CELF4: variants seen among roughly 807,000 people sequenced by gnomAD.
CELF4 encodes the protein CUGBP Elav-like family member 4.
CELF4 carries 18 observed loss-of-function variants against 59.9 expected under a neutral mutation model. The observed-to-expected ratio is 0.30, with a 90% CI of 0.21 to 0.45. The LOEUF is 0.45. CELF4 is among the 20% of genes least tolerant of loss of function. The pLI, the probability that CELF4 is intolerant of heterozygous loss-of-function variation, is 1.00. For synonymous variants in CELF4, 261 were observed against 267.1 expected (o/e 0.98, Z 0.22); for missense variants, 456 against 689.0 (o/e 0.66, Z 3.79).
At chr18:37,539,534 A>G (rs1332853314) in intron 1 of CELF4, among the ~76,000 whole-genome samples, 3 of 152,130 alleles carry the variant, frequency 2.0e-5, no homozygotes, top group African/African-American at 7.2e-5. Flanking sequence ...AAACACATGC[A>G]CAGCTGTGTC....
At chr18:37,489,803 C>T (rs1036979761) in intron 1 of CELF4, among the ~76,000 whole-genome samples, 12 of 152,302 alleles carry the variant, frequency 7.9e-5, no homozygotes, top group Admixed American at 2.0e-4. Context: ...AGGCTAGAAC[C>T]GGGCTCTGAA....
chr18:37,555,327 G>A (rs2099984451), intron 1 of CELF4, among the ~76,000 whole-genome samples: 1 of 152,118 alleles, frequency 6.6e-6, no homozygotes, highest in Non-Finnish European at 1.5e-5. Flanking sequence ...CCTGTTCAGA[G>A]TACACCTCTC....
chr18:37,314,105 A>T (rs1190147995), intron 3 of CELF4, among the ~76,000 whole-genome samples: 1 of 152,216 alleles, frequency 6.6e-6, no homozygotes, highest in Non-Finnish European at 1.5e-5. Context: ...AGACAGGCTG[A>T]GAGACAGGGA....
intron 2 of CELF4, among the ~76,000 whole-genome samples, chr18:37,328,949 C>A (rs1363665836): frequency 6.6e-6 from 1 of 152,176 alleles, no homozygotes; most frequent in Non-Finnish European, 1.5e-5. Flanking sequence ...AAAGCCTTTC[C>A]TTCTTGGTCT....
intron 1 of CELF4, among the ~76,000 whole-genome samples, chr18:37,525,389 G>A (rs1275106207): frequency 6.6e-6 from 1 of 152,198 alleles, no homozygotes; most frequent in African/African-American, 2.4e-5. Context: ...CCTAGACTGG[G>A]AGCCAGCGGT....
chr18:37,483,725 A>G (rs564360774), intron 2 of CELF4, among the ~76,000 whole-genome samples: 1 of 152,144 alleles, frequency 6.6e-6, no homozygotes. Flanking sequence ...GCCTGGTAAT[A>G]AGCCTTCTTT....
At chr18:37,353,025 T>G (rs940102368) in intron 2 of CELF4, among the ~76,000 whole-genome samples, 9 of 151,770 alleles carry the variant, frequency 5.9e-5, no homozygotes, top group Admixed American at 2.6e-4. Flanking sequence ...ATCGAGACCA[T>G]CCTGGCTAAC....
At chr18:37,282,831 G>A (rs1163451703) in intron 3 of CELF4, among the ~76,000 whole-genome samples, 13 of 152,050 alleles carry the variant, frequency 8.5e-5, no homozygotes, top group Admixed American at 8.5e-4. Context: ...CAGGTCTCAG[G>A]ATGGCTCTGA....
At chr18:37,469,169 T>G (rs545288162) in intron 2 of CELF4, among the ~76,000 whole-genome samples, 1 of 152,222 alleles carries the variant, frequency 6.6e-6, no homozygotes, top group East Asian at 1.9e-4. Flanking sequence ...ATTGGCTCCT[T>G]TGGAGTCTGG....
intron 2 of CELF4, among the ~76,000 whole-genome samples, chr18:37,465,686 C>T (rs143403097): frequency 3.9e-5 from 6 of 152,210 alleles, no homozygotes; most frequent in African/African-American, 1.2e-4. Flanking sequence ...TAATATAAAA[C>T]AGAGTGCAAT....
chr18:37,372,896 T>A (rs2098919061), intron 2 of CELF4, among the ~76,000 whole-genome samples: 1 of 151,268 alleles, frequency 6.6e-6, no homozygotes, highest in Non-Finnish European at 1.5e-5. Flanking sequence ...GCATGTGAAT[T>A]AGTGTGACCT....
chr18:37,404,267 A>G (rs2099359720), intron 2 of CELF4, among the ~76,000 whole-genome samples: 1 of 152,202 alleles, frequency 6.6e-6, no homozygotes, highest in African/African-American at 2.4e-5. Flanking sequence ...CCGGTTCTTG[A>G]ACCCAAAGGG....
chr18:37,255,219 G>A (rs1019371447), intron 11 of CELF4, among the ~76,000 whole-genome samples: 5 of 152,048 alleles, frequency 3.3e-5, no homozygotes, highest in African/African-American at 4.8e-5. Flanking sequence ...ACAGCCACCC[G>A]GGAGTGAAGT....
chr18:37,251,771 G>T (rs779135774), intron 12 of CELF4, among the ~76,000 whole-genome samples: 1 of 152,220 alleles, frequency 6.6e-6, no homozygotes, highest in African/African-American at 2.4e-5. Flanking sequence ...GTCTGTGTGT[G>T]CACAGAGCCA....
rs1472074961 is a variant in CELF4, at chr18:37,244,631, C to T, written c.*611G>A. The stretch of plus-strand genomic sequence containing the variant: ...CATTTTTTCATAGAATCGCTCTAAG[C>T]TGTTTCAAGAACAGCCATGAGGCAG... On this transcript the variant is annotated 3_prime_UTR_variant, in exon 13 of 13. Coordinates refer to ENST00000420428, the MANE Select transcript of CELF4 (RefSeq NM_020180.4). 1 of 151,826 alleles carries T rather than the reference C, an allele frequency of 6.6e-6. No homozygotes were observed. The allele number at this position is 151,826 out of a possible 1,614,324, so 9.4% of individuals were successfully genotyped here.
intron 1 of CELF4, among the ~76,000 whole-genome samples, chr18:37,562,699 T>C (rs1340452340): frequency 6.6e-6 from 1 of 152,218 alleles, no homozygotes; most frequent in Non-Finnish European, 1.5e-5. Flanking sequence ...GCTTATTTTA[T>C]CAGGATTAGC....
chr18:37,266,364 T>C, intron 9 of CELF4, 169 bp downstream of exon 9: 1 of 710,380 alleles, frequency 1.4e-6, no homozygotes, highest in Non-Finnish European at 2.4e-6. Flanking sequence ...GGTGGCCCGC[T>C]GACAAGAAGG....
At chr18:37,251,826 C>A (rs148977248) in intron 12 of CELF4, among the ~76,000 whole-genome samples, 4 of 152,326 alleles carry the variant, frequency 2.6e-5, no homozygotes, top group Non-Finnish European at 2.9e-5. Flanking sequence ...ATCCTTGCAT[C>A]CCCCACACTG....
intron 3 of CELF4, among the ~76,000 whole-genome samples, chr18:37,284,956 G>A (rs970203877): frequency 2.0e-5 from 3 of 152,186 alleles, no homozygotes; most frequent in Non-Finnish European, 4.4e-5. Flanking sequence ...TTTCCCCCCA[G>A]GCAGAGGAGG....
Sources: allele counts gnomAD v4.1 joint callset (sites outside exome capture counted in the v4.1 genomes callset), GRCh38; gene constraint gnomAD v4.1.1; transcripts MANE v1.5; gene names NCBI Gene and HGNC (gene_info 2026-07-23, HGNC 2026-07-21).